The following ROBO2 variants were observed in gnomAD, a reference collection of about 807,000 sequenced individuals.
ROBO2 encodes the protein roundabout homolog 2.
A neutral mutation model predicts 160.8 loss-of-function variants in ROBO2; 53 were observed. The ratio of observed to expected loss-of-function variants is 0.33; its 90% CI spans 0.26 to 0.41. The LOEUF (loss-of-function observed/expected upper bound fraction) is 0.41, where lower values mean the gene tolerates loss of function less well. ROBO2 is among the 10% of genes least tolerant of loss of function. The pLI is 1.00. For missense variants in ROBO2, 1,577 were observed against 1,722.4 expected (o/e 0.92, Z 1.49); for synonymous variants, 664 against 611.7 (o/e 1.09, Z -1.26).
intron 2 of ROBO2, among the ~76,000 whole-genome samples, chr3:77,441,427 A>G (rs1318403513): frequency 6.6e-6 from 1 of 152,134 alleles, no homozygotes. Context: ...TATTCATAAA[A>G]TAATACACAA....
chr3:75,999,233 C>T (rs1224882666), intron 2 of ROBO2, among the ~76,000 whole-genome samples: 1 of 152,134 alleles, frequency 6.6e-6, no homozygotes, highest in South Asian at 2.1e-4. Flanking sequence ...TTGAAATTCT[C>T]AAGAAATATT....
chr3:77,042,130 A>T (rs558690524), intron 1 of ROBO2, among the ~76,000 whole-genome samples: 1 of 152,292 alleles, frequency 6.6e-6, no homozygotes, highest in East Asian at 1.9e-4. Flanking sequence ...CATGGACTAC[A>T]TGAGTACCTT....
chr3:75,935,067 GC>G (rs1049054217), intron 1 of ROBO2, among the ~76,000 whole-genome samples: 21 of 152,070 alleles, frequency 1.4e-4, no homozygotes, highest in Admixed American at 1.0e-3. Context: ...GGTGGCTCGT[GC>G]CTGACCTCAG....
intron 2 of ROBO2, among the ~76,000 whole-genome samples, chr3:77,324,655 C>G (rs982499452): frequency 1.7e-5 from 2 of 120,990 alleles, no homozygotes; most frequent in Non-Finnish European, 3.2e-5. Flanking sequence ...TGGTGAGCGC[C>G]TGTAGTCCCC....
chr3:76,835,067 CT>C (rs1559577415), intron 2 of ROBO2, among the ~76,000 whole-genome samples: 1 of 151,948 alleles, frequency 6.6e-6, no homozygotes, highest in Non-Finnish European at 1.5e-5. Flanking sequence ...AGAATGCAAA[CT>C]TTTTAGGATA....
exon 14 of ROBO2, chr3:77,574,604 A>G: frequency 1.2e-6 from 2 of 1,613,460 alleles, no homozygotes; most frequent in Non-Finnish European, 1.7e-6. Flanking sequence ...CAAAGTCCCG[A>G]CTGAACGAAG....
intron 2 of ROBO2, among the ~76,000 whole-genome samples, chr3:76,171,979 A>G (rs1297083576): frequency 1.3e-5 from 2 of 152,086 alleles, no homozygotes; most frequent in East Asian, 3.9e-4. Flanking sequence ...AACATACCCA[A>G]GTCTTCAAGA....
chr3:77,574,320 CA>C (rs2093708436), intron 13 of ROBO2, among the ~76,000 whole-genome samples, 178 bp from the exon 15 acceptor site: 1 of 151,910 alleles, frequency 6.6e-6, no homozygotes, highest in African/African-American at 2.4e-5. Flanking sequence ...ATCTTAGGAG[CA>C]ATCTGAACTC....
chr3:76,736,196 G>A (rs1478660310), intron 2 of ROBO2, among the ~76,000 whole-genome samples: 1 of 151,562 alleles, frequency 6.6e-6, no homozygotes, highest in Non-Finnish European at 1.5e-5. Flanking sequence ...GCAGGAGAAT[G>A]GGGGGAACCC....
At chr3:77,100,160 G>A (rs2071707332) in intron 2 of ROBO2, among the ~76,000 whole-genome samples, 1 of 152,008 alleles carries the variant, frequency 6.6e-6, no homozygotes, top group Non-Finnish European at 1.5e-5. Flanking sequence ...TTTAAACCAT[G>A]ATTTTTGTGT....
intron 2 of ROBO2, among the ~76,000 whole-genome samples, chr3:76,760,524 C>G (rs1167196563): frequency 2.6e-5 from 4 of 151,736 alleles, no homozygotes; most frequent in Admixed American, 2.6e-4. Flanking sequence ...CACTAATCAC[C>G]ATGCAATCTG....
chr3:76,452,444 A>G lies in ROBO2; in HGVS notation c.109+514842A>G, dbSNP rs935143575. On this transcript the variant is annotated intron_variant, in intron 2 of 26. Coordinates refer to the ROBO2 transcript ENST00000487694. Reference sequence around the variant, plus strand: ...GCGGTGTTTGTTTTTTTGTCCTTGCAATAGTTTACTGAGAATGATGATTTC... The same window carrying G: ...GCGGTGTTTGTTTTTTTGTCCTTGCGATAGTTTACTGAGAATGATGATTTC... Among the ~76,000 whole-genome samples, 60 of 151,968 alleles carry G rather than the reference A, an allele frequency of 3.9e-4. 1 individual carries two copies. The highest frequency in any genetic ancestry group is 3.3e-4 in the Admixed American group (5 of 15,242).
chr3:76,449,427 A>C (rs375168763), intron 2 of ROBO2, among the ~76,000 whole-genome samples: 1 of 152,088 alleles, frequency 6.6e-6, no homozygotes, highest in East Asian at 1.9e-4. Context: ...TCATGGGTGA[A>C]TGTAAAGAAA....
At chr3:76,673,777 G>C (rs1475955878) in intron 2 of ROBO2, among the ~76,000 whole-genome samples, 1 of 151,958 alleles carries the variant, frequency 6.6e-6, no homozygotes, top group African/African-American at 2.4e-5. Context: ...GTTAGTGCAA[G>C]TCAAGAATAA....
At chr3:76,295,758 A>G (rs1269899364) in intron 2 of ROBO2, among the ~76,000 whole-genome samples, 1 of 152,126 alleles carries the variant, frequency 6.6e-6, no homozygotes, top group East Asian at 1.9e-4. Context: ...GGTGTCCCTA[A>G]TTCATGATGT....
At chr3:76,505,019 A>C (rs1414077555) in intron 2 of ROBO2, among the ~76,000 whole-genome samples, 1 of 152,206 alleles carries the variant, frequency 6.6e-6, no homozygotes, top group Non-Finnish European at 1.5e-5. Flanking sequence ...GTATGTGGTA[A>C]ATGAGCAGTG....
At chr3:77,443,722 G>T (rs544074094) in intron 2 of ROBO2, among the ~76,000 whole-genome samples, 25 of 151,848 alleles carry the variant, frequency 1.6e-4, no homozygotes, top group African/African-American at 5.1e-4. Context: ...TGAGTAAAAA[G>T]ACATTAAATC....
Position 77,574,029 on chromosome 3 carries a change from C to T in ROBO2, c.1972-470C>T, listed in dbSNP as rs6808486. Among the ~76,000 whole-genome samples the T allele has an allele frequency of 1.2e-3, 189 of 152,010 alleles. 1 individual carries two copies. Among genetic ancestry groups the T allele is most frequent in the African/African-American group, 4.2e-3 (175 of 41,498 alleles). ...GGCACCTATGAGTAGGAACCCAAAACATGTGTTTTGATTGAGTGATGATGT... is the reference window on the plus strand; with the variant it reads ...GGCACCTATGAGTAGGAACCCAAAATATGTGTTTTGATTGAGTGATGATGT... On this transcript the variant is annotated intron_variant, in intron 13 of 25. Coordinates refer to ENST00000461745, the Ensembl canonical transcript of ROBO2.
At chr3:77,568,124 C>T (rs1002223932) in intron 12 of ROBO2, among the ~76,000 whole-genome samples, 189 bp from the exon 14 acceptor site, 3 of 151,908 alleles carry the variant, frequency 2.0e-5, no homozygotes, top group Non-Finnish European at 4.4e-5. Context: ...AGATCAATAT[C>T]ATCTTTCATT....
Sources: allele counts gnomAD v4.1 joint callset (sites outside exome capture counted in the v4.1 genomes callset), GRCh38; gene constraint gnomAD v4.1.1; transcripts MANE v1.5; gene names NCBI Gene and HGNC (gene_info 2026-07-23, HGNC 2026-07-21).